CDH13: variants seen among roughly 807,000 people sequenced by gnomAD.
The protein encoded by CDH13 is cadherin-13.
Under a neutral mutation model 63.8 loss-of-function variants are expected in CDH13, and 24 were observed. The observed-to-expected ratio is 0.38, with a 90% CI of 0.27 to 0.53. The LOEUF (loss-of-function observed/expected upper bound fraction) is 0.53, where lower values mean the gene tolerates loss of function less well. Among genes scored for constraint, CDH13 ranks in the 20% least tolerant of loss-of-function variants. The pLI is 0.85. For synonymous variants in CDH13, 503 were observed against 355.3 expected, an observed-to-expected ratio of 1.42 and a Z score of -4.67; for missense variants, 1,049 against 903.1, an observed-to-expected ratio of 1.16 and a Z score of -2.07.
At chr16:83,388,591 T>C (rs1402011561) in intron 6 of CDH13, among the ~76,000 whole-genome samples, 1 of 152,168 alleles carries the variant, frequency 6.6e-6, no homozygotes, top group Admixed American at 6.5e-5. Context: ...CCACACCCTA[T>C]TGCCTTGCAC....
intron 6 of CDH13, among the ~76,000 whole-genome samples, chr16:83,367,845 G>C (rs1465370530): frequency 6.6e-6 from 1 of 152,168 alleles, no homozygotes; most frequent in Non-Finnish European, 1.5e-5. Context: ...GAAAGGCACT[G>C]TTTTGAATCA....
chr16:83,416,283 T>C (rs953726671), intron 6 of CDH13, among the ~76,000 whole-genome samples: 14 of 152,224 alleles, frequency 9.2e-5, no homozygotes, highest in African/African-American at 3.4e-4. Context: ...TATAGATGGA[T>C]TGGAAGACTT....
intron 1 of CDH13, among the ~76,000 whole-genome samples, chr16:82,638,202 C>T (rs1468432756): frequency 1.3e-5 from 2 of 152,166 alleles, no homozygotes; most frequent in South Asian, 2.1e-4. Context: ...GAGGTGAACA[C>T]GACAGTCCAG....
At chr16:83,081,503 T>C (rs1212971587) in intron 3 of CDH13, among the ~76,000 whole-genome samples, 1 of 152,204 alleles carries the variant, frequency 6.6e-6, no homozygotes, top group Non-Finnish European at 1.5e-5. Flanking sequence ...AGAATACTGA[T>C]TTCTCCTTAG....
chr16:83,258,470 A>C (rs565473514), intron 5 of CDH13, among the ~76,000 whole-genome samples: 85 of 152,294 alleles, frequency 5.6e-4, no homozygotes, highest in Middle Eastern at 3.4e-3. Flanking sequence ...GTAAAACCCG[A>C]GTGTTGCAAA....
At chr16:83,577,735 T>G (rs1905190753) in intron 7 of CDH13, among the ~76,000 whole-genome samples, 1 of 152,176 alleles carries the variant, frequency 6.6e-6, no homozygotes, top group East Asian at 1.9e-4. Context: ...CGAAATCACG[T>G]AGATGCATCC....
chr16:83,784,187 G>A (rs1368926615), intron 13 of CDH13, among the ~76,000 whole-genome samples: 1 of 152,192 alleles, frequency 6.6e-6, no homozygotes, highest in African/African-American at 2.4e-5. Flanking sequence ...CGGTGTAATT[G>A]TGAATTAGGA....
intron 1 of CDH13, among the ~76,000 whole-genome samples, chr16:82,740,923 T>C (rs530769089): frequency 6.6e-6 from 1 of 152,326 alleles, no homozygotes; most frequent in African/African-American, 2.4e-5. Flanking sequence ...TTAGGGTTTA[T>C]ATAAAAGAAA....
intron 5 of CDH13, among the ~76,000 whole-genome samples, chr16:83,305,866 C>G (rs1338705318): frequency 6.6e-6 from 1 of 152,192 alleles, no homozygotes; most frequent in Admixed American, 6.5e-5. Context: ...TTATTGACCT[C>G]CTGGACTCTG....
At chr16:83,480,704 G>A (rs1406457680) in intron 6 of CDH13, among the ~76,000 whole-genome samples, 1 of 152,178 alleles carries the variant, frequency 6.6e-6, no homozygotes, top group Non-Finnish European at 1.5e-5. Flanking sequence ...TTGCCCAGGA[G>A]TGTCCTGGAA....
chr16:82,729,712 C>A (rs1333144463), intron 1 of CDH13, among the ~76,000 whole-genome samples: 1 of 152,136 alleles, frequency 6.6e-6, no homozygotes, highest in Non-Finnish European at 1.5e-5. Context: ...GTCAGCCTGT[C>A]CTTTGAAGCT....
chr16:82,636,306 A>G (rs1908648565), intron 1 of CDH13, among the ~76,000 whole-genome samples: 1 of 152,034 alleles, frequency 6.6e-6, no homozygotes, highest in Non-Finnish European at 1.5e-5. Flanking sequence ...AGTGTAATTC[A>G]GGCTGCAGAA....
chr16:83,491,416 C>G (rs1354480655), intron 7 of CDH13, among the ~76,000 whole-genome samples: 1 of 152,156 alleles, frequency 6.6e-6, no homozygotes, highest in Non-Finnish European at 1.5e-5. Flanking sequence ...GGCTGCACTA[C>G]AAAATAAAAT....
intron 5 of CDH13, among the ~76,000 whole-genome samples, chr16:83,294,932 G>C (rs1000892263): frequency 2.6e-4 from 39 of 151,990 alleles, no homozygotes; most frequent in African/African-American, 9.4e-4. Context: ...AAGTAATCTT[G>C]AGCAAAGAGA....
intron 6 of CDH13, chr16:83,396,754 A>AATGACG (rs1555542716): frequency 2.7e-5 from 4 of 150,386 alleles, no homozygotes; most frequent in Non-Finnish European, 4.4e-5. Flanking sequence ...ATTCATCACA[A>AATGACG]ATGATGATGA....
chr16:83,166,778 G>A (rs375129155), intron 4 of CDH13, among the ~76,000 whole-genome samples: 8 of 152,120 alleles, frequency 5.3e-5, no homozygotes, highest in East Asian at 3.9e-4. Flanking sequence ...AAAAATGCCC[G>A]TTGGGCATCA....
chr16:83,317,448 A>C (rs118175835), intron 5 of CDH13, among the ~76,000 whole-genome samples: 1 of 152,152 alleles, frequency 6.6e-6, no homozygotes, highest in Non-Finnish European at 1.5e-5. Flanking sequence ...GGCCACATCT[A>C]AAGTCTTTCT....
intron 6 of CDH13, among the ~76,000 whole-genome samples, chr16:83,433,590 G>A (rs1333354016): frequency 6.6e-6 from 1 of 152,130 alleles, no homozygotes; most frequent in African/African-American, 2.4e-5. Flanking sequence ...TGAGCTTGGG[G>A]ATGAGGGTGG....
intron 7 of CDH13, among the ~76,000 whole-genome samples, chr16:83,531,912 G>A (rs759422860): frequency 9.2e-5 from 14 of 152,126 alleles, no homozygotes; most frequent in Non-Finnish European, 1.9e-4. Flanking sequence ...GCTCTGATAT[G>A]GTTTAGCTGT....
Sources: allele counts gnomAD v4.1 joint callset (sites outside exome capture counted in the v4.1 genomes callset), GRCh38; gene constraint gnomAD v4.1.1; transcripts MANE v1.5; gene names NCBI Gene and HGNC (gene_info 2026-07-23, HGNC 2026-07-21).